GZMA: variants seen among roughly 807,000 people sequenced by gnomAD.
The protein encoded by GZMA is granzyme A.
Under a neutral mutation model 21.1 loss-of-function variants are expected in GZMA, and 17 were observed. That is an observed-to-expected ratio of 0.81 (90% CI 0.55 to 1.21). The LOEUF (loss-of-function observed/expected upper bound fraction) is 1.21. Among genes scored for constraint, GZMA ranks in the 50% most tolerant of loss-of-function variants. The pLI is 0.00. For synonymous variants in GZMA, 90 were observed against 107.8 expected, an observed-to-expected ratio of 0.83 and a Z score of 1.03; for missense variants, 306 against 315.9, an observed-to-expected ratio of 0.97 and a Z score of 0.24.
At chr5:55,104,412 T>C (rs1393739437) in intron 1 of GZMA, among the ~76,000 whole-genome samples, 1 of 152,232 alleles carries the variant, frequency 6.6e-6, no homozygotes, top group African/African-American at 2.4e-5. Context: ...GTTTCCTTTT[T>C]AAAAGCAGAG....
intron 4 of GZMA, among the ~76,000 whole-genome samples, chr5:55,109,217 G>A (rs898883629): frequency 2.0e-5 from 3 of 152,116 alleles, no homozygotes; most frequent in African/African-American, 7.2e-5. Context: ...GAAAACATTT[G>A]TCTTCAGTAC....
rs563675975 is a variant in GZMA at position 55,108,119 on chromosome 5, C to G, written c.358-6C>G. On this transcript the variant is annotated splice_region_variant and splice_polypyrimidine_tract_variant and intron_variant, in intron 3 of 4. Coordinates refer to ENST00000274306, the MANE Select transcript of GZMA (RefSeq NM_006144.4). ...CCATTAACACTTTATGTTTTTCTTC[C>G]AACAGCTGATGGAAAAAGCAAAAAT... is the stretch of plus-strand genomic sequence containing the variant. 11 of 1,579,208 alleles carry G rather than the reference C, an allele frequency of 7.0e-6. No individual in the cohort carries two copies. In the South Asian group the frequency reaches 1.2e-4, roughly 18 times the overall value.
chr5:55,108,454 T>C, intron 4 of GZMA, 60 bp downstream of exon 4: 1 of 1,359,632 alleles, frequency 7.4e-7, no homozygotes, highest in East Asian at 2.3e-5. Flanking sequence ...ACAGAGAAAA[T>C]GTAATGTCAT....
chr5:55,107,719 G>GA (rs1742436870), intron 2 of GZMA, 75 bp from the exon 3 acceptor site: 8 of 1,085,560 alleles, frequency 7.4e-6, no homozygotes, highest in Non-Finnish European at 1.1e-5. Context: ...ATGGGACAAT[G>GA]AAACTGATCA....
intron 2 of GZMA, among the ~76,000 whole-genome samples, 169 bp from the exon 3 acceptor site, chr5:55,107,625 T>C (rs550044117): frequency 1.1e-4 from 16 of 152,318 alleles, no homozygotes; most frequent in Non-Finnish European, 4.4e-5. Context: ...AAACATTCTT[T>C]TATTCATAAA....
intron 4 of GZMA, among the ~76,000 whole-genome samples, chr5:55,109,436 G>A (rs1742465830): frequency 6.6e-6 from 1 of 152,112 alleles, no homozygotes; most frequent in Non-Finnish European, 1.5e-5. Context: ...TCAACACCCT[G>A]GAATTGGCTA....
intron 1 of GZMA, among the ~76,000 whole-genome samples, chr5:55,104,687 G>A (rs1013504748): frequency 4.6e-5 from 7 of 152,130 alleles, no homozygotes; most frequent in Non-Finnish European, 7.3e-5. Flanking sequence ...TAAGACATAA[G>A]GTTCTCTCTA....
At chr5:55,102,887 C>T in intron 1 of GZMA, 135 bp downstream of exon 1, 1 of 666,714 alleles carries the variant, frequency 1.5e-6, no homozygotes. Context: ...TTTAGCCAGG[C>T]ACAATGGCAC....
chr5:55,102,879 T>C (rs918191749), intron 1 of GZMA, 127 bp downstream of exon 1: 52 of 694,238 alleles, frequency 7.5e-5, no homozygotes, highest in Non-Finnish European at 1.1e-4. Flanking sequence ...TTATAATGTT[T>C]AGCCAGGCAC....
At chr5:55,105,722 C>G in intron 2 of GZMA, 104 bp downstream of exon 2, 1 of 1,031,350 alleles carries the variant, frequency 9.7e-7, no homozygotes, top group Non-Finnish European at 1.5e-6. Context: ...CCTGTAATCC[C>G]AGCACTTTGG....
chr5:55,103,811 T>C (rs1326689794), intron 1 of GZMA, among the ~76,000 whole-genome samples: 1 of 152,036 alleles, frequency 6.6e-6, no homozygotes, highest in Admixed American at 6.6e-5. Context: ...ATGGAGACCA[T>C]CTTGGCCAAC....
Position 55,102,660 on chromosome 5 carries a change from A to AT in GZMA, c.-21dup. The AT allele has an allele frequency of 6.6e-7, 1 of 1,512,654 alleles. No individual in the cohort carries two copies. The highest frequency in any genetic ancestry group is 9.2e-7 in the Non-Finnish European group (1 of 1,087,490). The allele number at this position is 1,512,654 out of a possible 1,614,324, so 93.7% of individuals were successfully genotyped here. A position where few individuals can be genotyped will look rare whatever the true frequency, so the allele number is the denominator to read the frequency against. On this transcript the variant is annotated 5_prime_UTR_variant, in exon 1 of 5. Transcript: ENST00000274306. ...GAACTGAAAACAGATTTTCAGGTTG[A>AT]TTGATGTGGGACAGCAGCCACAATG...
chr5:55,106,110 AAAAT>A (rs1322427127), intron 2 of GZMA, among the ~76,000 whole-genome samples: 1 of 5,388 alleles, frequency 1.9e-4, no homozygotes, highest in East Asian at 0.019. Flanking sequence ...AAAATAAAAT[AAAAT>A]AAATAAAATA....
At chr5:55,105,883 A>T (rs970669716) in intron 2 of GZMA, among the ~76,000 whole-genome samples, 1 of 151,732 alleles carries the variant, frequency 6.6e-6, no homozygotes, top group Non-Finnish European at 1.5e-5. Context: ...GAGGCAGGAG[A>T]ATTGTTTGAA....
At chr5:55,105,441 C>T in intron 1 of GZMA, 33 bp from the exon 2 acceptor site, 1 of 1,567,906 alleles carries the variant, frequency 6.4e-7, no homozygotes, top group Admixed American at 1.8e-5. Context: ...TGGGGGTGAG[C>T]ACCAATCTGA....
At chr5:55,106,011 TAAATAAAATAAAATA>T (rs1399063983) in intron 2 of GZMA, among the ~76,000 whole-genome samples, 86 of 490 alleles carry the variant, frequency 0.18, 34 homozygotes, top group Non-Finnish European at 0.36. Context: ...TAAAATAAAA[TAAATAAAATAAAATA>T]AAATAAAATA....
At chr5:55,108,709 T>C (rs1742455589) in intron 4 of GZMA, among the ~76,000 whole-genome samples, 1 of 152,318 alleles carries the variant, frequency 6.6e-6, no homozygotes, top group South Asian at 2.1e-4. Context: ...CTTGAAGATA[T>C]ACAACACTTA....
chr5:55,109,452 G>T (rs548491118), intron 4 of GZMA, among the ~76,000 whole-genome samples: 2 of 152,270 alleles, frequency 1.3e-5, no homozygotes, highest in South Asian at 4.2e-4. Context: ...GGCTATTGAT[G>T]AATTAAACCT....
chr5:55,109,544 T>C (rs1561281266), intron 4 of GZMA, among the ~76,000 whole-genome samples: 1 of 152,236 alleles, frequency 6.6e-6, no homozygotes, highest in East Asian at 1.9e-4. Context: ...GGTTCCAACA[T>C]GGTTCTTTAT....
Sources: gnomAD v4.1 joint callset for allele counts (sites outside exome capture counted in the v4.1 genomes callset) on GRCh38, gnomAD v4.1.1 for gene constraint, MANE v1.5 for transcripts, NCBI Gene and HGNC (gene_info 2026-07-23, HGNC 2026-07-21) for gene names.